CD72: variants seen among roughly 807,000 people sequenced by gnomAD.
The protein encoded by CD72 is CD72 molecule.
CD72 carries 28 observed loss-of-function variants against 50.7 expected under a neutral mutation model. The observed-to-expected ratio is 0.55, with a 90% CI of 0.41 to 0.76. The LOEUF (loss-of-function observed/expected upper bound fraction) is 0.76, where lower values mean the gene tolerates loss of function less well. Among genes scored for constraint, CD72 ranks in the 30% least tolerant of loss-of-function variants. The pLI is 0.00. For synonymous variants in CD72, 176 were observed against 171.2 expected, an observed-to-expected ratio of 1.03 and a Z score of -0.22; for missense variants, 403 against 420.6, an observed-to-expected ratio of 0.96 and a Z score of 0.37.
chr9:35,618,733 T>A, upstream of CD72: 1 of 1,267,218 alleles, frequency 7.9e-7, no homozygotes, highest in Non-Finnish European at 1.0e-6. Flanking sequence ...TAGCTGGAGC[T>A]GCACTGACCC....
At chr9:35,626,875 G>A (rs2131778671) in intron 1 of CD72, among the ~76,000 whole-genome samples, 1 of 150,564 alleles carries the variant, frequency 6.6e-6, no homozygotes, top group South Asian at 2.1e-4. Context: ...TTTTTGAGAT[G>A]GAGTCTCGCA....
chr9:35,627,292 A>T (rs977011586), intron 1 of CD72, among the ~76,000 whole-genome samples: 3 of 149,302 alleles, frequency 2.0e-5, no homozygotes, highest in Admixed American at 6.7e-5. Flanking sequence ...GACAGGCTAA[A>T]TTTTTTTTTG....
At chr9:35,628,443 A>C (rs1284021639) in intron 1 of CD72, among the ~76,000 whole-genome samples, 1 of 152,180 alleles carries the variant, frequency 6.6e-6, no homozygotes, top group Non-Finnish European at 1.5e-5. Context: ...ATACAAAAAA[A>C]TTTAGCTGGG....
intron 4 of CD72, 22 bp from the exon 5 acceptor site, chr9:35,616,300 G>A (rs1335387803): frequency 1.9e-6 from 3 of 1,587,762 alleles, no homozygotes; most frequent in Non-Finnish European, 2.6e-6. Flanking sequence ...CAGAGATTTG[G>A]TGGATGTCTT....
intron 7 of CD72, among the ~76,000 whole-genome samples, chr9:35,611,592 T>C (rs1433897903): frequency 1.3e-5 from 2 of 152,082 alleles, no homozygotes; most frequent in African/African-American, 4.8e-5. Flanking sequence ...AACAAAAAAG[T>C]ATGTGCCAGG....
chr9:35,644,247 GA>G (rs1459831700), intron 1 of CD72, among the ~76,000 whole-genome samples: 1 of 149,392 alleles, frequency 6.7e-6, no homozygotes, highest in Non-Finnish European at 1.5e-5. Flanking sequence ...TCTGGAGGCT[GA>G]GGCAGGAGAA....
intron 6 of CD72, 112 bp from the exon 7 acceptor site, chr9:35,612,031 A>T (rs1822994395): frequency 1.6e-6 from 1 of 633,446 alleles, no homozygotes; most frequent in Admixed American, 2.7e-5. Flanking sequence ...TATATATGAC[A>T]GCTCTTTGGT....
chr9:35,644,361 A>AG (rs1823368023), intron 1 of CD72, among the ~76,000 whole-genome samples: 1 of 147,176 alleles, frequency 6.8e-6, no homozygotes, highest in Admixed American at 6.7e-5. Flanking sequence ...AAAAAAAAAA[A>AG]AAAAAAAAAA....
upstream of CD72, among the ~76,000 whole-genome samples, chr9:35,622,608 G>C (rs1823154521): frequency 6.6e-6 from 1 of 151,994 alleles, no homozygotes; most frequent in South Asian, 2.1e-4. Flanking sequence ...CCAATATGGT[G>C]AAACCCCGTC....
At chr9:35,611,498 G>A (rs1822983904) in intron 7 of CD72, among the ~76,000 whole-genome samples, 1 of 152,208 alleles carries the variant, frequency 6.6e-6, no homozygotes, top group East Asian at 1.9e-4. Context: ...GAGAAACGCT[G>A]CTGTCATCAG....
chr9:35,618,469 A>G (rs1196447348), upstream of CD72: 1 of 1,478,546 alleles, frequency 6.8e-7, no homozygotes, highest in Non-Finnish European at 9.1e-7. Context: ...GGTGTTAGCA[A>G]GTCTCAAACA....
intron 1 of CD72, among the ~76,000 whole-genome samples, chr9:35,626,843 T>C (rs1251757320): frequency 6.6e-6 from 1 of 152,170 alleles, no homozygotes; most frequent in Non-Finnish European, 1.5e-5. Flanking sequence ...GACTACAGTA[T>C]AGTATAAACA....
At chr9:35,614,245 A>G (rs1024108773) in intron 5 of CD72, among the ~76,000 whole-genome samples, 2 of 152,228 alleles carry the variant, frequency 1.3e-5, no homozygotes, top group Non-Finnish European at 2.9e-5. Context: ...TATGTATTCC[A>G]TAACTGTTTA....
At chr9:35,645,426 A>T (rs1823382556) in intron 1 of CD72, among the ~76,000 whole-genome samples, 1 of 151,918 alleles carries the variant, frequency 6.6e-6, no homozygotes, top group African/African-American at 2.4e-5. Context: ...TATTAAAAAT[A>T]CAAAAATTAG....
At chr9:35,617,041 G>A (rs770360890) in intron 3 of CD72, 135 bp downstream of exon 3, 23 of 1,470,156 alleles carry the variant, frequency 1.6e-5, no homozygotes, top group South Asian at 9.7e-5. Context: ...AATGTGGCAC[G>A]GCAGCCCGGG....
chr9:35,618,894 C>G, upstream of CD72: 1 of 533,520 alleles, frequency 1.9e-6, no homozygotes. Context: ...TAAGGAAGAG[C>G]CATGGCTGCA....
chr9:35,645,411 G>A (rs750593914), intron 1 of CD72, among the ~76,000 whole-genome samples: 42 of 151,802 alleles, frequency 2.8e-4, no homozygotes, highest in Non-Finnish European at 2.8e-4. Context: ...GTGAAACCCC[G>A]TCTCTATTAA....
At chr9:35,628,000 T>A (rs1823211442) in intron 1 of CD72, among the ~76,000 whole-genome samples, 1 of 152,080 alleles carries the variant, frequency 6.6e-6, no homozygotes, top group Non-Finnish European at 1.5e-5. Flanking sequence ...CACACCAGAC[T>A]AATTTTGTTG....
At chr9:35,627,772 C>A (rs1390539625) in intron 1 of CD72, among the ~76,000 whole-genome samples, 2 of 152,060 alleles carry the variant, frequency 1.3e-5, no homozygotes, top group Non-Finnish European at 2.9e-5. Flanking sequence ...CAGAACCAAC[C>A]ACAGCACTGG....
Sources: gnomAD v4.1 joint callset for allele counts (sites outside exome capture counted in the v4.1 genomes callset) on GRCh38, gnomAD v4.1.1 for gene constraint, MANE v1.5 for transcripts, NCBI Gene and HGNC (gene_info 2026-07-23, HGNC 2026-07-21) for gene names.